MTMR14: variants seen among roughly 807,000 people sequenced by gnomAD.
MTMR14 encodes the protein phosphatidylinositol-3,5-bisphosphate 3-phosphatase MTMR14.
A neutral mutation model predicts 86.3 loss-of-function variants in MTMR14; 48 were observed. The observed-to-expected ratio is 0.56, with a 90% CI of 0.44 to 0.71. The LOEUF is 0.71. MTMR14 is among the 30% of genes least tolerant of loss of function. The pLI is 0.00. For synonymous variants in MTMR14, 366 were observed against 326.1 expected (o/e 1.12, Z -1.32); for missense variants, 780 against 834.6 (o/e 0.93, Z 0.81).
chr3:9,667,234 G>A (rs796940436), intron 3 of MTMR14, among the ~76,000 whole-genome samples: 3 of 152,322 alleles, frequency 2.0e-5, no homozygotes, highest in African/African-American at 7.2e-5. Context: ...ACAAATGCCA[G>A]TGGAACAGGC....
chr3:9,666,264 G>C (rs556886337), intron 3 of MTMR14, among the ~76,000 whole-genome samples: 1 of 151,248 alleles, frequency 6.6e-6, no homozygotes, highest in South Asian at 2.1e-4. Flanking sequence ...CTCCCAACTA[G>C]CTGGGATTAT....
chr3:9,667,824 A>T (rs2048337775), intron 3 of MTMR14, among the ~76,000 whole-genome samples: 1 of 152,184 alleles, frequency 6.6e-6, no homozygotes, highest in Admixed American at 6.5e-5. Flanking sequence ...AAGCCTTCAG[A>T]TGGTACTTGG....
chr3:9,649,702 A>G lies in MTMR14; in HGVS notation c.119A>G (p.Gln40Arg), dbSNP rs1377805028. The change falls in exon 1 of 19, where the codon CAG becomes CGG. Residue 40 changes from glutamine (Q) to arginine (R), a missense_variant. Gln to Arg is a conservative substitution (Grantham distance 43). Coordinates refer to ENST00000296003, the MANE Select transcript of MTMR14 (RefSeq NM_001077525.3). ...GELLEEFSRT[Q>R]YRAKDGSGTG... ...CTGCTGGAGGAGTTCTCCCGGACTC[A>G]GTACCGGGCCAAGGATGGCAGCGGG... 2 of 1,612,844 alleles carry G rather than the reference A, an allele frequency of 1.2e-6. No homozygotes were observed. The highest frequency in any genetic ancestry group is 2.2e-5 in the South Asian group (2 of 90,746).
chr3:9,668,292 A>C (rs138960878), intron 3 of MTMR14, among the ~76,000 whole-genome samples: 1 of 152,224 alleles, frequency 6.6e-6, no homozygotes, highest in African/African-American at 2.4e-5. Context: ...CCCTCATTAT[A>C]TGACCTTACA....
Position 9,677,590 on chromosome 3 carries a change from C to T in MTMR14, c.822+203C>T, listed in dbSNP as rs896377156. 2.0e-5 allele frequency among the ~76,000 whole-genome samples: 3 copies of T among 152,036 alleles called. No homozygotes were observed. Among genetic ancestry groups the T allele is most frequent in the Admixed American group, 6.6e-5 (1 of 15,260 alleles). Reference sequence around the variant, plus strand: ...TTTTCATCATTATACTTTCCTCCCCCCTTTATTTCTCTTTTGTTTAAGGGA... The same window carrying T: ...TTTTCATCATTATACTTTCCTCCCCTCTTTATTTCTCTTTTGTTTAAGGGA... On this transcript the variant is annotated intron_variant, in intron 8 of 18. Transcript: ENST00000296003. This position sits in a 1 kb window ranked among gnomAD's most constrained non-coding sequence, Gnocchi z 4.2.
At chr3:9,672,344 A>G (rs1038699170) in intron 6 of MTMR14, among the ~76,000 whole-genome samples, 4 of 152,090 alleles carry the variant, frequency 2.6e-5, no homozygotes, top group Admixed American at 6.6e-5. Context: ...GGTTCAAGCA[A>G]TTCTCCTGCT....
intron 13 of MTMR14, among the ~76,000 whole-genome samples, chr3:9,685,824 C>T (rs1473694528): frequency 6.6e-6 from 1 of 152,198 alleles, no homozygotes; most frequent in Non-Finnish European, 1.5e-5. Flanking sequence ...CTCCGCAGGC[C>T]TTACCTGTTA....
intron 5 of MTMR14, among the ~76,000 whole-genome samples, chr3:9,669,882 C>G (rs1159095653): frequency 6.6e-6 from 1 of 152,168 alleles, no homozygotes; most frequent in Non-Finnish European, 1.5e-5. Flanking sequence ...GGTACTGAGG[C>G]ACAGGGCAAG....
In MTMR14 at chr3:9,701,809, C is replaced by T; in HGVS notation, c.1789C>T (p.Arg597Ter). 2 of 1,613,838 alleles carry T rather than the reference C, an allele frequency of 1.2e-6. No homozygotes were observed. The highest frequency in any genetic ancestry group is 1.7e-6 in the Non-Finnish European group (2 of 1,180,032). ...NSCLLAALSD[R>*]ETRLQEVRSA... Reference sequence around the variant, plus strand: ...CCATAGGCTTGCAGCCCTGAGTGATCGAGAGACTCGGCTGCAGGAGGTGCG... The same window carrying T: ...CCATAGGCTTGCAGCCCTGAGTGATTGAGAGACTCGGCTGCAGGAGGTGCG... Residue 597 changes from arginine to a stop codon, truncating the protein, a stop_gained, in exon 19 of 19, where the codon CGA becomes TGA. Transcript: ENST00000296003. LOFTEE classifies it high-confidence loss of function. This position sits in a 1 kb window ranked among gnomAD's most constrained non-coding sequence, Gnocchi z 4.2.
At chr3:9,681,018 A>T (rs2075750962) in intron 9 of MTMR14, among the ~76,000 whole-genome samples, 1 of 152,172 alleles carries the variant, frequency 6.6e-6, no homozygotes, top group Admixed American at 6.5e-5. Context: ...TCATATGGTT[A>T]CACAGCATCC....
intron 17 of MTMR14, among the ~76,000 whole-genome samples, chr3:9,694,633 C>T (rs944623780): frequency 2.6e-5 from 4 of 152,188 alleles, no homozygotes; most frequent in Non-Finnish European, 5.9e-5. Flanking sequence ...AGGACTTGGC[C>T]TTAGTCATTT....
intron 3 of MTMR14, among the ~76,000 whole-genome samples, chr3:9,663,737 TCTC>T (rs1035426577): frequency 6.6e-6 from 1 of 151,342 alleles, no homozygotes; most frequent in African/African-American, 2.4e-5. Flanking sequence ...ATTGTCTCGA[TCTC>T]CTGACCTTGT....
chr3:9,658,794 G>A (rs1574941220), intron 2 of MTMR14, among the ~76,000 whole-genome samples: 2 of 152,204 alleles, frequency 1.3e-5, no homozygotes, highest in Admixed American at 6.6e-5. Context: ...AGGAAGTTGT[G>A]GGGTACATTA....
intron 2 of MTMR14, chr3:9,659,646 G>C (rs892229140): frequency 2.0e-5 from 9 of 452,970 alleles, no homozygotes; most frequent in Non-Finnish European, 3.5e-5. Flanking sequence ...GTTTCACCAT[G>C]TTGGCCAGGC....
At chr3:9,650,420 C>T (rs1176794639) in intron 1 of MTMR14, 4 of 454,954 alleles carry the variant, frequency 8.8e-6, no homozygotes, top group South Asian at 4.7e-5. Flanking sequence ...TCTTGCCGAC[C>T]CTGCCATCTC....
At chr3:9,694,531 T>TTGGGATGGAC (rs900368337) in intron 17 of MTMR14, among the ~76,000 whole-genome samples, 1 of 151,200 alleles carries the variant, frequency 6.6e-6, no homozygotes, top group Admixed American at 6.6e-5. Flanking sequence ...GATGGATGGA[T>TTGGGATGGAC]TGGGATGGAC....
Position 9,677,222 on chromosome 3 carries a change from C to A in MTMR14, c.752-95C>A. ...GAGAAGTGTGAGTTGGCGGCCCCCT[C>A]TCCACAGCACTCAGGGACCTGGGTC... On this transcript the variant is annotated intron_variant, in intron 7 of 18. Coordinates refer to ENST00000296003, the MANE Select transcript of MTMR14 (RefSeq NM_001077525.3). The surrounding 1 kb of genome is among the most constrained non-coding windows in gnomAD (Gnocchi z 4.2). 8.9e-7 allele frequency: 1 copy of A among 1,123,670 alleles called. No individual in the cohort carries two copies. The highest frequency in any genetic ancestry group is 1.3e-6 in the Non-Finnish European group (1 of 745,934). 69.6% of individuals were successfully genotyped at this position (1,123,670 alleles called of 1,614,324 possible). A position where few individuals can be genotyped will look rare whatever the true frequency, so the allele number is the denominator to read the frequency against.
rs776531632 is a variant in MTMR14 at position 9,697,853 on chromosome 3, C to T, written c.1756C>T (p.Pro586Ser). ...CCCTTTCAGCTTCCCGGATGAGCTCCCTAACAGTTGTCTGTAAGTGTCTTG... is the reference window on the plus strand; with the variant it reads ...CCCTTTCAGCTTCCCGGATGAGCTCTCTAACAGTTGTCTGTAAGTGTCTTG... Reference protein sequence around the residue: ...SLPFSFPDELPNSCLLAALSD... With the variant: ...SLPFSFPDELSNSCLLAALSD... Residue 586 changes from proline to serine, a missense_variant, in exon 18 of 19, where the codon CCT becomes TCT. Transcript: ENST00000296003. 3.7e-6 allele frequency: 6 copies of T among 1,614,026 alleles called. No homozygotes were observed. Among genetic ancestry groups the T allele is most frequent in the African/African-American group, 1.3e-5 (1 of 74,922 alleles).
Position 9,652,668 on chromosome 3 carries a change from G to T in MTMR14, c.160-953G>T, listed in dbSNP as rs192282387. The stretch of plus-strand genomic sequence containing the variant: ...GCAGAGATCACACCATTGCACTCTA[G>T]CCTGGGTGACAGAGCAAGACTCTTT... On this transcript the variant is annotated intron_variant, in intron 1 of 18. Transcript: ENST00000296003. Among the ~76,000 whole-genome samples the T allele has an allele frequency of 2.2e-3, 329 of 151,256 alleles. 2 individuals carry two copies. The highest frequency in any genetic ancestry group is 7.7e-3 in the African/African-American group (316 of 41,096).
Sources: gnomAD v4.1 joint callset for allele counts (sites outside exome capture counted in the v4.1 genomes callset) on GRCh38, gnomAD v4.1.1 for gene constraint, Gnocchi (gnomAD v3.1) non-coding constraint, MANE v1.5 for transcripts, NCBI Gene and HGNC (gene_info 2026-07-23, HGNC 2026-07-21) for gene names.